ZNF280D: variants seen among roughly 807,000 people sequenced by gnomAD.
ZNF280D encodes the protein zinc finger protein 280D, also known as suppressor of hairy wing homolog 4.
In ZNF280D, 39 loss-of-function variants were observed where a neutral mutation model predicts 94.7. The observed-to-expected ratio is 0.41, with a 90% CI of 0.32 to 0.54. The LOEUF (loss-of-function observed/expected upper bound fraction) is 0.54. ZNF280D is among the 20% of genes least tolerant of loss of function. ZNF280D has a pLI of 0.22. For synonymous variants in ZNF280D, 398 were observed against 377.6 expected (o/e 1.05, Z -0.63); for missense variants, 1,090 against 1,149.3 (o/e 0.95, Z 0.75).
At chr15:56,719,323 G>C (rs567368115) in intron 1 of ZNF280D, among the ~76,000 whole-genome samples, 1 of 148,218 alleles carries the variant, frequency 6.7e-6, no homozygotes, top group Admixed American at 6.9e-5. Context: ...CACAAGAAAT[G>C]GTTGTTTAAA....
Position 56,711,430 on chromosome 15 carries a change from C to T in ZNF280D, c.-85-4124G>A, listed in dbSNP as rs183037823. Among the ~76,000 whole-genome samples, 169 of 152,032 alleles carry T rather than the reference C, an allele frequency of 1.1e-3. 2 individuals are homozygous for T. Among genetic ancestry groups the T allele is most frequent in the African/African-American group, 4.0e-3 (166 of 41,464 alleles). ...CTATAATTCCAGCACTTTGGGAGGC[C>T]GAGGCAGGTGGATCACTTGAGGTCA... On this transcript the variant is annotated intron_variant, in intron 1 of 21. Coordinates refer to ENST00000267807, the MANE Select transcript of ZNF280D (RefSeq NM_017661.4).
intron 12 of ZNF280D, 48 bp from the exon 13 acceptor site, chr15:56,676,864 T>C: frequency 1.5e-6 from 2 of 1,369,920 alleles, no homozygotes; most frequent in Non-Finnish European, 2.0e-6. Flanking sequence ...TTAAAACTGA[T>C]ATGCAATTAC....
chr15:56,711,169 A>G (rs1370087292), intron 1 of ZNF280D, among the ~76,000 whole-genome samples: 2 of 152,252 alleles, frequency 1.3e-5, no homozygotes, highest in African/African-American at 4.8e-5. Context: ...TGGACAAGTT[A>G]GTTAACCTAG....
intron 1 of ZNF280D, among the ~76,000 whole-genome samples, chr15:56,731,412 A>G (rs1218261561): frequency 6.9e-6 from 1 of 145,842 alleles, no homozygotes; most frequent in Non-Finnish European, 1.5e-5. Context: ...CCGAGGTGGG[A>G]GGATGGCTTG....
rs1596362821 is a variant in ZNF280D at position 56,654,289 on chromosome 15, G to A, written c.2177-55C>T. 5.0e-6 allele frequency: 8 copies of A among 1,597,662 alleles called. No homozygotes were observed. The South Asian group carries it at 8.0e-5, about 16-fold the overall frequency. Reference sequence around the variant, plus strand: ...CAACAGCATATGAAATATGATGAGTGAGAATAATGATTTAGTAAAGAGACC... The same window carrying A: ...CAACAGCATATGAAATATGATGAGTAAGAATAATGATTTAGTAAAGAGACC... On this transcript the variant is annotated intron_variant, in intron 18 of 21. Transcript: ENST00000267807.
intron 17 of ZNF280D, among the ~76,000 whole-genome samples, chr15:56,655,501 G>A (rs980266912): frequency 2.0e-5 from 3 of 152,194 alleles, no homozygotes; most frequent in Non-Finnish European, 4.4e-5. Flanking sequence ...CACTGCGCCC[G>A]GCCTGAGTGC....
chr15:56,655,627 A>G (rs1309484427), intron 17 of ZNF280D, among the ~76,000 whole-genome samples: 1 of 152,182 alleles, frequency 6.6e-6, no homozygotes, highest in African/African-American at 2.4e-5. Context: ...TCCTCACTGG[A>G]TCTAACTGTT....
chr15:56,639,793 G>A (rs993970550), intron 20 of ZNF280D, among the ~76,000 whole-genome samples: 2 of 152,106 alleles, frequency 1.3e-5, no homozygotes, highest in East Asian at 3.8e-4. Context: ...TGATGAGTAA[G>A]CCAAGAAATG....
intron 3 of ZNF280D, among the ~76,000 whole-genome samples, chr15:56,706,632 T>A (rs2141247660): frequency 6.6e-6 from 1 of 152,200 alleles, no homozygotes; most frequent in Non-Finnish European, 1.5e-5. Context: ...GAGAAAAATG[T>A]CCATTGTGTA....
Position 56,631,592 on chromosome 15 carries a change from A to T in ZNF280D, c.2846T>A (p.Val949Glu), listed in dbSNP as rs1317428370. The T allele has an allele frequency of 1.9e-6, 3 of 1,614,046 alleles. No homozygotes were observed. The highest frequency in any genetic ancestry group is 2.5e-6 in the Non-Finnish European group (3 of 1,179,990). ...AATGTCATCTGTTTGATCAGACACT[A>T]CTTCATCAGTCTTGGCTGAAGGATC... Reference protein sequence around the residue: ...SGDPSAKTDEVVSDQTDDIPG... With the variant: ...SGDPSAKTDEEVSDQTDDIPG... Residue 949 changes from valine to glutamate, a missense_variant, in exon 22 of 22, where the codon GTA becomes GAA. Val to Glu is a moderately radical substitution (Grantham distance 121, BLOSUM62 -2). This residue lies in a region of ZNF280D where 577 missense variants were observed against 568.8 expected (regional missense o/e 1.01). Coordinates refer to ENST00000267807, the MANE Select transcript of ZNF280D (RefSeq NM_017661.4).
rs148759711 is a variant in ZNF280D, at chr15:56,713,335, T to C, written c.-85-6029A>G. 4.3e-3 allele frequency among the ~76,000 whole-genome samples: 650 copies of C among 152,274 alleles called. 5 individuals carry two copies. The highest frequency in any genetic ancestry group is 0.015 in the African/African-American group (611 of 41,558). On this transcript the variant is annotated intron_variant, in intron 1 of 21. Coordinates refer to ENST00000267807, the MANE Select transcript of ZNF280D (RefSeq NM_017661.4). ...AAAGTTAGCTCAAGATAATGTTCTA[T>C]CTATAAAAAAACTAACAATTTACTT... is the stretch of plus-strand genomic sequence containing the variant.
chr15:56,698,543 C>T (rs562039767), intron 6 of ZNF280D: 2 of 152,206 alleles, frequency 1.3e-5, no homozygotes, highest in South Asian at 4.1e-4. Context: ...CTAAAGTGGC[C>T]TCCATGTAAA....
At chr15:56,691,491 G>C (rs1193162538) in intron 7 of ZNF280D, among the ~76,000 whole-genome samples, 1 of 152,098 alleles carries the variant, frequency 6.6e-6, no homozygotes, top group Non-Finnish European at 1.5e-5. Flanking sequence ...TTTAAAACAA[G>C]AAATCTCAAG....
At chr15:56,651,252 T>C (rs941241442) in intron 19 of ZNF280D, among the ~76,000 whole-genome samples, 1 of 152,320 alleles carries the variant, frequency 6.6e-6, no homozygotes, top group East Asian at 1.9e-4. Context: ...CTAAGAATGA[T>C]GATGGACTCA....
chr15:56,657,593 T>A lies in ZNF280D; in HGVS notation c.2057+831A>T, dbSNP rs1387186679. 2.0e-5 allele frequency among the ~76,000 whole-genome samples: 3 copies of A among 152,110 alleles called. No individual in the cohort carries two copies. The East Asian group carries it at 5.8e-4, about 29-fold the overall frequency. ...ATACAATGAACACAACTCTCTAATG[T>A]CCAGTAGCAATCATTTATATTTTCA... On this transcript the variant is annotated intron_variant, in intron 17 of 21. Transcript: ENST00000267807.
intron 19 of ZNF280D, among the ~76,000 whole-genome samples, chr15:56,649,088 ATG>A (rs1289022954): frequency 6.6e-6 from 1 of 152,186 alleles, no homozygotes; most frequent in Non-Finnish European, 1.5e-5. Context: ...CAAAATATTC[ATG>A]TGTAAAAACG....
chr15:56,669,009 A>C, intron 13 of ZNF280D, 52 bp from the exon 14 acceptor site: 2 of 1,548,194 alleles, frequency 1.3e-6, no homozygotes, highest in Non-Finnish European at 1.8e-6. Context: ...AAAACTACAA[A>C]TCCTGTGTCC....
intron 6 of ZNF280D, among the ~76,000 whole-genome samples, chr15:56,694,294 T>C (rs866268580): frequency 6.5e-5 from 9 of 138,506 alleles, no homozygotes; most frequent in East Asian, 2.1e-4. Flanking sequence ...TAATGACACA[T>C]ACACACACAC....
intron 1 of ZNF280D, among the ~76,000 whole-genome samples, chr15:56,725,425 C>CA (rs1473739668): frequency 6.6e-6 from 1 of 151,928 alleles, no homozygotes; most frequent in Admixed American, 6.6e-5. Context: ...TATATTTTTA[C>CA]AAAAAAAGTG....
Sources: allele counts gnomAD v4.1 joint callset (sites outside exome capture counted in the v4.1 genomes callset), GRCh38; gene constraint gnomAD v4.1.1; regional missense constraint gnomAD v4.1.1; transcripts MANE v1.5; gene names NCBI Gene and HGNC (gene_info 2026-07-23, HGNC 2026-07-21).